The following CDKN2B-AS1 variants were observed in gnomAD, a reference collection of about 807,000 sequenced individuals.
The protein encoded by CDKN2B-AS1 is CDKN2B and CDKN2A antisense cis and trans regulatory RNA 1, also known as CDKN2B antisense RNA 1 (non-protein coding).
exon 5 of CDKN2B-AS1, among the ~76,000 whole-genome samples, chr9:22,127,419 G>T (rs534468361): frequency 1.3e-5 from 2 of 152,322 alleles, no homozygotes; most frequent in East Asian, 3.9e-4. Context: ...ATGCCTAGAT[G>T]CACTGCCTCT....
intron 1 of CDKN2B-AS1, chr9:22,030,377 T>A (rs1463218225): frequency 6.6e-6 from 1 of 152,222 alleles, no homozygotes; most frequent in Non-Finnish European, 1.5e-5. Context: ...TGTAAGAGTT[T>A]GGGCTAGGAA....
chr9:21,995,050 T>C (rs1251546330), upstream of CDKN2B-AS1: 3 of 152,204 alleles, frequency 2.0e-5, no homozygotes, highest in Non-Finnish European at 4.4e-5. The surrounding 1 kb of genome is among the most constrained non-coding windows in gnomAD (Gnocchi z 5.7). Flanking sequence ...TCTTCTAGAT[T>C]TGGAAAACAA....
intron 4 of CDKN2B-AS1, among the ~76,000 whole-genome samples, chr9:22,074,044 G>A (rs986344300): frequency 1.3e-5 from 2 of 151,712 alleles, no homozygotes; most frequent in Admixed American, 6.6e-5. Flanking sequence ...TTGTATTTTT[G>A]TAGAGATGGG....
intron 1 of CDKN2B-AS1, among the ~76,000 whole-genome samples, chr9:22,021,372 T>A (rs928560468): frequency 2.1e-4 from 32 of 152,232 alleles, no homozygotes; most frequent in African/African-American, 7.7e-4. Context: ...CCTCCAGCTT[T>A]GTTCTTTCTG....
chr9:22,026,850 T>C (rs1471008127), intron 1 of CDKN2B-AS1, among the ~76,000 whole-genome samples: 1 of 152,056 alleles, frequency 6.6e-6, no homozygotes, highest in South Asian at 2.1e-4. Context: ...ATGGAGTGAG[T>C]TCACAAGGGG....
At chr9:22,109,319 A>G (rs1273749995) in intron 4 of CDKN2B-AS1, among the ~76,000 whole-genome samples, 1 of 152,180 alleles carries the variant, frequency 6.6e-6, no homozygotes, top group East Asian at 1.9e-4. Context: ...TCCTTGCCAC[A>G]TAAGGGTTGA....
Position 22,039,090 on chromosome 9 carries a change from C to T in CDKN2B-AS1, n.30-7661C>T, listed in dbSNP as rs548273521. Among the ~76,000 whole-genome samples, 1 of 151,938 alleles carries T rather than the reference C, an allele frequency of 6.6e-6. No individual in the cohort carries two copies. Among genetic ancestry groups the T allele is most frequent in the Non-Finnish European group, 1.5e-5 (1 of 67,906 alleles). On this transcript the variant is annotated intron_variant and non_coding_transcript_variant, in intron 1 of 4. Transcript: ENST00000650946. This position sits in a 1 kb window ranked among gnomAD's most constrained non-coding sequence, Gnocchi z 4.4. ...GTTTAGGGATTTAGAAATTTCTTTA[C>T]TAAATAACTCTAGGGAACAGTACCT...
chr9:22,092,429 T>G (rs969505289), intron 4 of CDKN2B-AS1: 1 of 152,212 alleles, frequency 6.6e-6, no homozygotes, highest in African/African-American at 2.4e-5. Flanking sequence ...TCTGGTAGAA[T>G]TCGGCTGTGA....
chr9:22,118,319 T>A (rs1013603468), intron 4 of CDKN2B-AS1: 1 of 152,178 alleles, frequency 6.6e-6, no homozygotes, highest in Non-Finnish European at 1.5e-5. Flanking sequence ...TATTATGGTA[T>A]GTTCCCTGCC....
At chr9:22,094,384 G>C (rs1489859231) in intron 4 of CDKN2B-AS1, among the ~76,000 whole-genome samples, 1 of 144,388 alleles carries the variant, frequency 6.9e-6, no homozygotes, top group African/African-American at 2.9e-5. Context: ...GATTGGGGAA[G>C]TTCTCCTGGA....
intron 1 of CDKN2B-AS1, among the ~76,000 whole-genome samples, chr9:22,043,170 T>C (rs540705787): frequency 2.1e-4 from 32 of 152,214 alleles, no homozygotes; most frequent in African/African-American, 7.5e-4. Flanking sequence ...TATTGAGTGC[T>C]ACTATGTGCT....
chr9:22,117,714 G>A (rs1477257764), intron 4 of CDKN2B-AS1: 1 of 152,294 alleles, frequency 6.6e-6, no homozygotes. Context: ...GAAACAGGAA[G>A]GAATGTTTAT....
chr9:22,021,239 CT>C (rs897288213), intron 1 of CDKN2B-AS1, among the ~76,000 whole-genome samples: 25 of 151,044 alleles, frequency 1.7e-4, no homozygotes, highest in East Asian at 3.9e-4. Context: ...TCTGTGTCTG[CT>C]TTTTTTTATG....
intron 4 of CDKN2B-AS1, among the ~76,000 whole-genome samples, chr9:22,094,701 G>T (rs1419798375): frequency 6.9e-6 from 1 of 144,014 alleles, no homozygotes; most frequent in African/African-American, 2.9e-5. Context: ...GGTTATTCTA[G>T]TTAGCCATTT....
chr9:22,012,395 T>C, intron 1 of CDKN2B-AS1: 1 of 836,532 alleles, frequency 1.2e-6, no homozygotes, highest in Non-Finnish European at 2.1e-6. Flanking sequence ...TATTGAGCCT[T>C]CACTCTTCCA....
chr9:22,073,940 T>G (rs1451404662), intron 4 of CDKN2B-AS1, among the ~76,000 whole-genome samples: 1 of 152,024 alleles, frequency 6.6e-6, no homozygotes, highest in Non-Finnish European at 1.5e-5. Context: ...CACAGCTTAC[T>G]GCAACCTCTG....
chr9:22,057,861 T>C (rs1400882145), intron 4 of CDKN2B-AS1, among the ~76,000 whole-genome samples: 1 of 151,744 alleles, frequency 6.6e-6, no homozygotes, highest in Non-Finnish European at 1.5e-5. Flanking sequence ...CATGCCTATA[T>C]TTCTAGCAGT....
At chr9:22,117,789 A>AGG (rs1356058612) in intron 4 of CDKN2B-AS1, 1 of 152,228 alleles carries the variant, frequency 6.6e-6, no homozygotes, top group Middle Eastern at 3.2e-3. Context: ...AGGCCTGGGA[A>AGG]GAGGTTCAAG....
intron 1 of CDKN2B-AS1, chr9:22,004,531 T>C (rs1321624266): frequency 4.3e-6 from 1 of 232,416 alleles, no homozygotes; most frequent in Non-Finnish European, 8.5e-6. Flanking sequence ...CCCATGAACA[T>C]GTATTTTTAA....
Sources: allele counts gnomAD v4.1 joint callset (sites outside exome capture counted in the v4.1 genomes callset), GRCh38; gene constraint gnomAD v4.1.1; non-coding constraint Gnocchi (gnomAD v3.1); transcripts MANE v1.5; gene names NCBI Gene and HGNC (gene_info 2026-07-23, HGNC 2026-07-21).